The following KIF16B variants were observed in gnomAD, a reference collection of about 807,000 sequenced individuals.
KIF16B encodes the protein kinesin family member 16B.
In KIF16B, 98 loss-of-function variants were observed where a neutral mutation model predicts 156.3. The observed-to-expected ratio is 0.63, with a 90% confidence interval of 0.53 to 0.74. The LOEUF is 0.74. KIF16B is among the 30% of genes least tolerant of loss of function. The pLI is 0.00. For synonymous variants in KIF16B, 564 were observed against 583.7 expected (o/e 0.97, Z 0.49); for missense variants, 1,421 against 1,606.5 (o/e 0.88, Z 1.97).
At chr20:16,374,162 T>C (rs1396430337) in intron 20 of KIF16B, 95 bp downstream of exon 20, 1 of 1,273,828 alleles carries the variant, frequency 7.9e-7, no homozygotes, top group Non-Finnish European at 1.0e-6. Context: ...TTGCCCTTAA[T>C]AGAGCCCTCC....
At chr20:16,437,787 C>T (rs754770284) in intron 12 of KIF16B, among the ~76,000 whole-genome samples, 4 of 152,102 alleles carry the variant, frequency 2.6e-5, no homozygotes, top group Non-Finnish European at 4.4e-5. Flanking sequence ...ATGAATTTGA[C>T]GAGCAAGTGG....
At chr20:16,401,086 A>AGAAG (rs35468437) in intron 17 of KIF16B, among the ~76,000 whole-genome samples, 5 of 42,648 alleles carry the variant, frequency 1.2e-4, no homozygotes, top group African/African-American at 9.8e-4. Flanking sequence ...GGAACCAGAG[A>AGAAG]GAAAGTATGA....
intron 12 of KIF16B, among the ~76,000 whole-genome samples, chr20:16,457,209 T>A (rs561677303): frequency 1.7e-4 from 26 of 151,480 alleles, no homozygotes; most frequent in African/African-American, 5.8e-4. Context: ...AAGTGTTTCA[T>A]TTTTTTTTAA....
chr20:16,301,942 G>C (rs1439396630), intron 25 of KIF16B, among the ~76,000 whole-genome samples: 1 of 152,152 alleles, frequency 6.6e-6, no homozygotes, highest in Non-Finnish European at 1.5e-5. Flanking sequence ...GAGCCACCAT[G>C]CTTGGCCTCT....
intron 12 of KIF16B, among the ~76,000 whole-genome samples, chr20:16,442,378 C>T: frequency 6.9e-6 from 1 of 144,560 alleles, no homozygotes; most frequent in Non-Finnish European, 1.5e-5. Flanking sequence ...AAAATAGGTG[C>T]CTATCTAATG....
At chr20:16,277,077 C>T (rs1166858357) in intron 25 of KIF16B, among the ~76,000 whole-genome samples, 2 of 152,164 alleles carry the variant, frequency 1.3e-5, no homozygotes, top group Non-Finnish European at 1.5e-5. Context: ...ACCAGAGATT[C>T]GAATTGCCAG....
At chr20:16,311,997 G>A (rs2122706869) in intron 25 of KIF16B, among the ~76,000 whole-genome samples, 1 of 152,330 alleles carries the variant, frequency 6.6e-6, no homozygotes, top group East Asian at 1.9e-4. Context: ...TTAATTCCAA[G>A]TTTTTGCAGC....
intron 17 of KIF16B, 27 bp downstream of exon 17, chr20:16,404,785 AG>A: frequency 6.6e-7 from 1 of 1,519,446 alleles, no homozygotes; most frequent in South Asian, 1.1e-5. Flanking sequence ...TGATCATCAC[AG>A]GGAAGGAGAT....
rs562701361 is a variant in KIF16B at position 16,529,549 on chromosome 20, C to T, written c.48-1109G>A. ...AGTGCCATTATTCTGAGATTTCTGT[C>T]TGTGTACTGTGGGACATTACAAGAG... On this transcript the variant is annotated intron_variant, in intron 1 of 25. Coordinates refer to ENST00000354981, the MANE Select transcript of KIF16B (RefSeq NM_024704.5). Among the ~76,000 whole-genome samples the T allele has an allele frequency of 3.3e-5, 5 of 152,302 alleles. No homozygotes were observed. In the South Asian group the frequency reaches 1.0e-3, roughly 32 times the overall value.
At chr20:16,302,438 C>G (rs148394623) in intron 25 of KIF16B, among the ~76,000 whole-genome samples, 57 of 152,270 alleles carry the variant, frequency 3.7e-4, no homozygotes, top group African/African-American at 1.3e-3. Context: ...TTAATTATAT[C>G]TATTTCTGGG....
intron 17 of KIF16B, among the ~76,000 whole-genome samples, chr20:16,397,355 T>C (rs149539874): frequency 2.6e-5 from 4 of 152,356 alleles, no homozygotes; most frequent in African/African-American, 9.6e-5. Context: ...GTACAAATCA[T>C]GGCTTCCAGA....
intron 1 of KIF16B, among the ~76,000 whole-genome samples, chr20:16,531,388 T>C (rs537699493): frequency 4.7e-4 from 71 of 152,248 alleles, no homozygotes; most frequent in East Asian, 2.9e-3. Context: ...AATAAAGAAG[T>C]AATAACAAAA....
At chr20:16,479,893 T>C (rs1048096388) in intron 12 of KIF16B, among the ~76,000 whole-genome samples, 2 of 152,210 alleles carry the variant, frequency 1.3e-5, no homozygotes, top group South Asian at 2.1e-4. Flanking sequence ...CCAAGCCACA[T>C]GTGACTGTGC....
At chr20:16,516,621 G>A (rs76658386) in intron 3 of KIF16B, among the ~76,000 whole-genome samples, 18,132 of 152,174 alleles carry the variant, frequency 0.12, 1,374 homozygotes, top group Non-Finnish European at 0.18. Context: ...AACGTCCAAG[G>A]TGGGGCCTCA....
chr20:16,531,663 G>A (rs1442107031), intron 1 of KIF16B, among the ~76,000 whole-genome samples: 8 of 152,176 alleles, frequency 5.3e-5, no homozygotes, highest in Non-Finnish European at 1.2e-4. Flanking sequence ...CCAGCCTGTG[G>A]GAAAGGCAGC....
intron 10 of KIF16B, among the ~76,000 whole-genome samples, chr20:16,498,490 T>C (rs2068519417): frequency 1.3e-5 from 2 of 152,230 alleles, no homozygotes; most frequent in African/African-American, 2.4e-5. Context: ...AGCGTGTTTT[T>C]TGTCGTGTTT....
intron 23 of KIF16B, among the ~76,000 whole-genome samples, chr20:16,348,422 C>G (rs2064273638): frequency 6.6e-6 from 1 of 152,150 alleles, no homozygotes; most frequent in South Asian, 2.1e-4. Flanking sequence ...ACAAATACTA[C>G]CCCCATTTTG....
At chr20:16,422,887 T>C (rs2066260699) in intron 15 of KIF16B, among the ~76,000 whole-genome samples, 2 of 152,134 alleles carry the variant, frequency 1.3e-5, no homozygotes, top group Non-Finnish European at 1.5e-5. Flanking sequence ...ACTATCCTAA[T>C]ATTTAAAGAA....
intron 12 of KIF16B, among the ~76,000 whole-genome samples, chr20:16,472,632 A>G (rs1293510283): frequency 6.6e-6 from 1 of 151,964 alleles, no homozygotes; most frequent in African/African-American, 2.4e-5. Flanking sequence ...CCCTGTGGAA[A>G]CACTTCCTGA....
Sources: gnomAD v4.1 joint callset for allele counts (sites outside exome capture counted in the v4.1 genomes callset) on GRCh38, gnomAD v4.1.1 for gene constraint, MANE v1.5 for transcripts, NCBI Gene and HGNC (gene_info 2026-07-23, HGNC 2026-07-21) for gene names.